The following LDHAL6A variants were observed in gnomAD, a reference collection of about 807,000 sequenced individuals.
LDHAL6A encodes the protein L-lactate dehydrogenase A-like 6A.
LDHAL6A carries 19 observed loss-of-function variants against 28.2 expected under a neutral mutation model. The ratio of observed to expected loss-of-function variants is 0.67; its 90% CI spans 0.47 to 0.99. The LOEUF is 0.99. Among genes scored for constraint, LDHAL6A ranks in the 50% least tolerant of loss-of-function variants. The pLI, the probability that LDHAL6A is intolerant of heterozygous loss-of-function variation, is 0.00. For synonymous variants in LDHAL6A, 144 were observed against 134.4 expected (o/e 1.07, Z -0.49); for missense variants, 372 against 398.6 (o/e 0.93, Z 0.57).
At chr11:18,458,706 GA>G (rs1848820622) in intron 1 of LDHAL6A, among the ~76,000 whole-genome samples, 1 of 152,190 alleles carries the variant, frequency 6.6e-6, no homozygotes, top group Non-Finnish European at 1.5e-5. Flanking sequence ...GAACCTTGTA[GA>G]GAAACAGTAA....
At position 18,475,623 on chromosome 11, in the gene LDHAL6A, G is replaced by T; in HGVS notation, c.576G>T (p.Glu192Asp). The T allele has an allele frequency of 6.2e-7, 1 of 1,613,048 alleles. No homozygotes were observed. Among genetic ancestry groups the T allele is most frequent in the Non-Finnish European group, 8.5e-7 (1 of 1,179,646 alleles). ...SESCHGLILG[E>D]HGDSSVPVWS... ...GCTGTCATGGGCTGATCCTTGGAGA[G>T]CATGGCGACTCAAGTGGTAAGCCTG... is the stretch of plus-strand genomic sequence containing the variant. Residue 192 changes from glutamate to aspartate, a missense_variant, in exon 4 of 7, where the codon GAG becomes GAT. Physicochemically the swap from Glu to Asp is conservative, Grantham distance 45 (BLOSUM62 2). This residue lies in a region of LDHAL6A where 291 missense variants were observed against 302.9 expected (regional missense o/e 0.96). Coordinates refer to ENST00000280706, the MANE Select transcript of LDHAL6A (RefSeq NM_144972.5).
At chr11:18,461,080 C>T (rs545627341) in intron 1 of LDHAL6A, among the ~76,000 whole-genome samples, 45 of 152,082 alleles carry the variant, frequency 3.0e-4, no homozygotes, top group South Asian at 2.5e-3. Flanking sequence ...CCAGGTGATC[C>T]GCCCGCCTTG....
intron 3 of LDHAL6A, among the ~76,000 whole-genome samples, chr11:18,472,237 C>T (rs1023238402): frequency 2.0e-5 from 3 of 152,088 alleles, no homozygotes; most frequent in Non-Finnish European, 2.9e-5. Flanking sequence ...GATGACTAAC[C>T]GAGGTTCTTC....
intron 3 of LDHAL6A, among the ~76,000 whole-genome samples, chr11:18,470,276 G>A (rs1471149046): frequency 6.6e-6 from 1 of 152,182 alleles, no homozygotes; most frequent in Non-Finnish European, 1.5e-5. Context: ...AATTCTGAGA[G>A]CAATCTGGGT....
chr11:18,458,311 C>A (rs1350248514), intron 1 of LDHAL6A, among the ~76,000 whole-genome samples: 2 of 152,064 alleles, frequency 1.3e-5, no homozygotes, highest in Non-Finnish European at 2.9e-5. Flanking sequence ...AGGCACAGGC[C>A]CCACCGGGCA....
chr11:18,462,454 G>A (rs1012468497), intron 1 of LDHAL6A, among the ~76,000 whole-genome samples: 13 of 151,668 alleles, frequency 8.6e-5, no homozygotes, highest in Non-Finnish European at 1.3e-4. Flanking sequence ...TGGCTAACAC[G>A]GTGAAACCCC....
At chr11:18,459,120 G>A (rs1848831618) in intron 1 of LDHAL6A, among the ~76,000 whole-genome samples, 2 of 152,190 alleles carry the variant, frequency 1.3e-5, no homozygotes, top group African/African-American at 2.4e-5. Flanking sequence ...GCAGGGTATT[G>A]TTCCTGGGTG....
rs1848739046 is a variant in LDHAL6A, at chr11:18,455,889, TGCC to T, written c.-791_-789del. 1.9e-5 allele frequency: 2 copies of T among 104,124 alleles called. No individual in the cohort carries two copies. Among genetic ancestry groups the T allele is most frequent in the African/African-American group, 1.1e-4 (2 of 18,750 alleles). 6.5% of individuals were successfully genotyped at this position (104,124 alleles called of 1,614,324 possible). On this transcript the variant is annotated 5_prime_UTR_variant, in exon 1 of 7. Transcript: ENST00000280706. ...CCTCACACCTGCCAAGCATCACACC[TGCC>T]AAGCATCACACCTGCCAAGCATCAC...
At position 18,475,396 on chromosome 11, in the gene LDHAL6A, A is replaced by AAAAC. The variant is rs1849347226; in HGVS notation, c.419-70_419-69insAAAC. 3.2e-6 allele frequency: 4 copies of AAAAC among 1,242,416 alleles called. No individual in the cohort carries two copies. In the Admixed American group the frequency reaches 8.2e-5, roughly 26 times the overall value. 77.0% of individuals were successfully genotyped at this position (1,242,416 alleles called of 1,614,324 possible). On this transcript the variant is annotated intron_variant, in intron 3 of 6. Coordinates refer to ENST00000280706, the MANE Select transcript of LDHAL6A (RefSeq NM_144972.5). ...CAAAACATCAGATTTACTAGTTTTA[A>AAAAC]GTTAGGTAAATCTAAAAAACATATC...
chr11:18,467,968 C>CAT (rs1849139480), intron 3 of LDHAL6A, among the ~76,000 whole-genome samples: 2 of 11,390 alleles, frequency 1.8e-4, no homozygotes, highest in African/African-American at 3.8e-4. Context: ...TATATATATA[C>CAT]GTATATATAT....
Position 18,456,443 on chromosome 11 carries a change from C to A in LDHAL6A, c.-238C>A, listed in dbSNP as rs912205947. 2.0e-6 allele frequency: 1 copy of A among 489,962 alleles called. No individual in the cohort carries two copies. The highest frequency in any genetic ancestry group is 3.6e-6 in the Non-Finnish European group (1 of 275,496). 30.4% of individuals were successfully genotyped at this position (489,962 alleles called of 1,614,324 possible). A position where few individuals can be genotyped will look rare whatever the true frequency, so the allele number is the denominator to read the frequency against. ...TCTTAATTCCTCTTAACTGTACTCA[C>A]GCTTCCTTCTCCTTCCCCTGGTCCG... On this transcript the variant is annotated 5_prime_UTR_variant, in exon 1 of 7. Coordinates refer to ENST00000280706, the MANE Select transcript of LDHAL6A (RefSeq NM_144972.5).
At position 18,457,502 on chromosome 11, in the gene LDHAL6A, G is replaced by A. The variant is rs1487881279; in HGVS notation, c.126+696G>A. Among the ~76,000 whole-genome samples, 4 of 152,050 alleles carry A rather than the reference G, an allele frequency of 2.6e-5. No homozygotes were observed. In the East Asian group the frequency reaches 7.7e-4, roughly 29 times the overall value. On this transcript the variant is annotated intron_variant, in intron 1 of 6. Transcript: ENST00000280706. ...ACCTTTAATCCTGGCATGAGTCATT[G>A]GATTTAAAGGATTGCCTCTGGGTTT... is the stretch of plus-strand genomic sequence containing the variant.
At position 18,468,037 on chromosome 11, in the gene LDHAL6A, A is replaced by ATG. The variant is rs1491466326; in HGVS notation, c.418+2227_418+2228insTG. Among the ~76,000 whole-genome samples, 9 of 14,748 alleles carry ATG rather than the reference A, an allele frequency of 6.1e-4. 2 individuals are homozygous for ATG. The highest frequency in any genetic ancestry group is 1.5e-3 in the African/African-American group (9 of 6,088). The allele number at this position is 14,748 out of a possible 152,430, so 9.7% of individuals were successfully genotyped here. A position where few individuals can be genotyped will look rare whatever the true frequency, so the allele number is the denominator to read the frequency against. Reference sequence around the variant, plus strand: ...TACATATATATACGTATATATATATACATATATATACGTATATATATATAC... The same window carrying ATG: ...TACATATATATACGTATATATATATATGCATATATATACGTATATATATATAC... On this transcript the variant is annotated intron_variant, in intron 3 of 6. Coordinates refer to ENST00000280706, the MANE Select transcript of LDHAL6A (RefSeq NM_144972.5).
In LDHAL6A at chr11:18,475,637, G is replaced by C. The variant is rs1849358004; in HGVS notation, c.590G>C (p.Ser197Thr). Residue 197 changes from serine to threonine, a missense_variant and splice_region_variant, in exon 4 of 7, where the codon AGT becomes ACT. Ser to Thr is a moderately conservative substitution (Grantham distance 58). Transcript: ENST00000280706. ...GLILGEHGDS[S>T]VPVWSGVNIA... is the part of the protein sequence containing the mutation. ...ATCCTTGGAGAGCATGGCGACTCAA[G>C]TGGTAAGCCTGAGGCACGATTGAGC... 2.5e-6 allele frequency: 4 copies of C among 1,611,844 alleles called. No homozygotes were observed. The highest frequency in any genetic ancestry group is 3.4e-6 in the Non-Finnish European group (4 of 1,179,150).
intron 1 of LDHAL6A, among the ~76,000 whole-genome samples, chr11:18,459,091 C>T (rs1848830748): frequency 1.3e-5 from 2 of 152,132 alleles, no homozygotes; most frequent in Admixed American, 6.6e-5. Flanking sequence ...ATATTGTCAA[C>T]TTGATTGGAT....
chr11:18,464,125 A>G (rs1328710373), intron 2 of LDHAL6A, 47 bp downstream of exon 2: 6 of 1,240,828 alleles, frequency 4.8e-6, no homozygotes, highest in Non-Finnish European at 7.1e-6. Flanking sequence ...ATACATGAAC[A>G]AGTATCTAAG....
chr11:18,464,077 A>T lies in LDHAL6A; in HGVS notation c.243A>T (p.Lys81Asn). 1.3e-6 allele frequency: 2 copies of T among 1,556,484 alleles called. No homozygotes were observed. The highest frequency in any genetic ancestry group is 1.8e-6 in the Non-Finnish European group (2 of 1,127,508). ...AAATGCCAAATATTGTCTCCAGCAA[A>T]GGTTAATGTCATAGTTAAATACTAT... is the stretch of plus-strand genomic sequence containing the variant. ...FMKMPNIVSS[K>N]DYLVTANSNL... Residue 81 changes from lysine to asparagine, a missense_variant and splice_region_variant, in exon 2 of 7, where the codon AAA becomes AAT. By Grantham distance (94) the Lys-to-Asn change is moderately conservative. Around this residue, in one of 3 missense-constraint regions of LDHAL6A, gnomAD observed 291 missense variants for 302.9 expected, o/e 0.96. Transcript: ENST00000280706.
intron 1 of LDHAL6A, among the ~76,000 whole-genome samples, chr11:18,462,061 A>G (rs1291043877): frequency 6.6e-6 from 1 of 151,874 alleles, no homozygotes; most frequent in Non-Finnish European, 1.5e-5. Flanking sequence ...TGTCCCAGCT[A>G]CCCAGAAGGC....
chr11:18,473,810 T>C (rs573272902), intron 3 of LDHAL6A, among the ~76,000 whole-genome samples: 1 of 152,362 alleles, frequency 6.6e-6, no homozygotes, highest in African/African-American at 2.4e-5. Flanking sequence ...GTCTTGTTTC[T>C]GACTTTAATG....
Sources: allele counts gnomAD v4.1 joint callset (sites outside exome capture counted in the v4.1 genomes callset), GRCh38; gene constraint gnomAD v4.1.1; regional missense constraint gnomAD v4.1.1; transcripts MANE v1.5; gene names NCBI Gene and HGNC (gene_info 2026-07-23, HGNC 2026-07-21).